SLC35F2: variants seen among roughly 807,000 people sequenced by gnomAD.
The protein encoded by SLC35F2 is solute carrier family 35 member F2, also known as queuine/queuosine transporter SLC35F2.
Under a neutral mutation model 38.1 loss-of-function variants are expected in SLC35F2, and 25 were observed. The observed-to-expected ratio is 0.66, with a 90% confidence interval of 0.48 to 0.92. SLC35F2 has a LOEUF of 0.92. Ranked by LOEUF, SLC35F2 falls within the 40% of genes least tolerant of loss-of-function variation. SLC35F2 has a pLI of 0.00. For missense variants in SLC35F2, 409 were observed against 452.9 expected (o/e 0.90, Z 0.88); for synonymous variants, 173 against 181.7 (o/e 0.95, Z 0.38).
chr11:107,842,563 A>G (rs184138140), intron 1 of SLC35F2, among the ~76,000 whole-genome samples: 122 of 152,206 alleles, frequency 8.0e-4, no homozygotes, highest in Non-Finnish European at 1.6e-3. Context: ...TCTGTCACCC[A>G]GGCTGGAATG....
At chr11:107,811,833 A>C (rs781195542) in intron 2 of SLC35F2, 39 bp from the exon 3 acceptor site, 1 of 1,575,338 alleles carries the variant, frequency 6.3e-7, no homozygotes, top group Non-Finnish European at 8.7e-7. Context: ...TGTTACTTGC[A>C]AATGATACCA....
chr11:107,817,937 G>A (rs897332598), intron 1 of SLC35F2, among the ~76,000 whole-genome samples: 2 of 150,798 alleles, frequency 1.3e-5, no homozygotes, highest in African/African-American at 4.9e-5. Flanking sequence ...TGCACCTGTA[G>A]TCCCAGCTAC....
intron 3 of SLC35F2, chr11:107,810,898 G>C: frequency 1.0e-6 from 1 of 980,186 alleles, no homozygotes; most frequent in Non-Finnish European, 1.2e-6. Context: ...GTGAGAAAGG[G>C]ACATATCAAA....
At chr11:107,816,267 CGTGT>C (rs72313181) in intron 1 of SLC35F2, 22 of 950,208 alleles carry the variant, frequency 2.3e-5, no homozygotes, top group East Asian at 1.2e-4. Flanking sequence ...AAAGTGCGCA[CGTGT>C]GTGTGTGTGT....
chr11:107,805,271 T>G lies in SLC35F2; in HGVS notation c.731+88A>C, dbSNP rs956524632. On this transcript the variant is annotated intron_variant, in intron 5 of 7. Transcript: ENST00000525815. ...CCTAATACTAATTCCAAATGTGAAT[T>G]TGGGCCAAATAAACAATGAATATTA... The G allele has an allele frequency of 1.0e-5, 15 of 1,446,116 alleles. No individual in the cohort carries two copies. In the African/African-American group the frequency reaches 2.0e-4, roughly 19 times the overall value. 89.6% of individuals were successfully genotyped at this position (1,446,116 alleles called of 1,614,324 possible).
chr11:107,858,736 G>C lies in SLC35F2; in HGVS notation c.32C>G (p.Ala11Gly). The C allele has an allele frequency of 7.8e-7, 1 of 1,285,626 alleles. No homozygotes were observed. The allele number at this position is 1,285,626 out of a possible 1,614,324, so 79.6% of individuals were successfully genotyped here. A position where few individuals can be genotyped will look rare whatever the true frequency, so the allele number is the denominator to read the frequency against. MEADSPAGPGAPEPLAEGAAA... is the reference protein window; with the variant it reads MEADSPAGPGGPEPLAEGAAA... ...CGCTCCCTCCGCGAGGGGCTCTGGG[G>C]CGCCGGGGCCCGCTGGCGAGTCTGC... is the stretch of plus-strand genomic sequence containing the variant. The change falls in exon 1 of 8, where the codon GCC (alanine) becomes GGC (glycine). Residue 11 changes from alanine to glycine, a missense_variant. By Grantham distance (60) the Ala-to-Gly change is moderately conservative (BLOSUM62 0). Transcript: ENST00000525815.
chr11:107,815,607 CTT>C (rs1027788011), intron 2 of SLC35F2, among the ~76,000 whole-genome samples, 181 bp downstream of exon 2: 2 of 150,006 alleles, frequency 1.3e-5, no homozygotes, highest in Admixed American at 1.3e-4. Flanking sequence ...AAAAAAAACA[CTT>C]TTTTTTTGGA....
At chr11:107,825,660 G>A (rs74722038) in intron 1 of SLC35F2, among the ~76,000 whole-genome samples, 5,774 of 152,092 alleles carry the variant, frequency 0.038, 159 homozygotes, top group Non-Finnish European at 0.054. Context: ...GTGAGCCACC[G>A]CGCCCGACCT....
intron 3 of SLC35F2, chr11:107,809,633 G>GAAA: frequency 1.3e-6 from 1 of 769,286 alleles, no homozygotes; most frequent in Non-Finnish European, 1.6e-6. Flanking sequence ...CTCCTTCTCA[G>GAAA]AAAAAAAAAA....
chr11:107,829,059 G>C (rs1190180913), intron 1 of SLC35F2, among the ~76,000 whole-genome samples: 3 of 149,714 alleles, frequency 2.0e-5, no homozygotes, highest in Non-Finnish European at 2.9e-5. Context: ...AGTGAGCCAA[G>C]ATCACGCCAC....
intron 1 of SLC35F2, among the ~76,000 whole-genome samples, chr11:107,843,858 AAAAAAAAAAAATATATATAT>A (rs1860053319): frequency 2.5e-5 from 1 of 39,322 alleles, no homozygotes; most frequent in Non-Finnish European, 5.2e-5. Context: ...AAAAAAAAAA[AAAAAAAAAAAATATATATAT>A]ATATATATAT....
At chr11:107,854,567 A>T (rs2134868211) in intron 1 of SLC35F2, among the ~76,000 whole-genome samples, 1 of 152,166 alleles carries the variant, frequency 6.6e-6, no homozygotes, top group South Asian at 2.1e-4. Context: ...AAAATTACAC[A>T]CTCCACTAAG....
intron 1 of SLC35F2, among the ~76,000 whole-genome samples, chr11:107,841,427 G>A (rs190273678): frequency 1.6e-3 from 245 of 152,010 alleles, no homozygotes; most frequent in African/African-American, 5.7e-3. Context: ...GCCAAGTGTG[G>A]TGGTGCAGAC....
intron 1 of SLC35F2, among the ~76,000 whole-genome samples, chr11:107,839,916 G>T (rs572083055): frequency 2.9e-4 from 44 of 152,192 alleles, no homozygotes; most frequent in Admixed American, 9.8e-4. Context: ...GCCTCCTAAA[G>T]TGCTGGGATT....
intron 1 of SLC35F2, among the ~76,000 whole-genome samples, chr11:107,843,868 A>AATATATATATATAT (rs1178673709): frequency 2.1e-5 from 1 of 46,878 alleles, no homozygotes; most frequent in South Asian, 8.0e-4. Flanking sequence ...AAAAAAAAAA[A>AATATATATATATAT]ATATATATAT....
intron 7 of SLC35F2, among the ~76,000 whole-genome samples, chr11:107,801,631 GAA>G (rs34097885): frequency 0.51 from 73,336 of 144,452 alleles, 18,278 homozygotes; most frequent in Non-Finnish European, 0.55. Context: ...CTGGATCTAA[GAA>G]AAAAAAAAAA....
intron 3 of SLC35F2, among the ~76,000 whole-genome samples, chr11:107,809,027 G>A (rs921975019): frequency 2.0e-5 from 3 of 152,142 alleles, no homozygotes; most frequent in Admixed American, 1.3e-4. Context: ...CCGGCCCCAC[G>A]CTGACCAGCT....
chr11:107,830,583 CAAAA>C (rs66495434), intron 1 of SLC35F2, among the ~76,000 whole-genome samples: 1 of 95,732 alleles, frequency 1.0e-5, no homozygotes, highest in Non-Finnish European at 2.1e-5. Flanking sequence ...GACTCAGTCT[CAAAA>C]AAAAAAAAAA....
chr11:107,826,816 C>T (rs990369169), intron 1 of SLC35F2, among the ~76,000 whole-genome samples: 4 of 152,174 alleles, frequency 2.6e-5, no homozygotes, highest in Admixed American at 2.6e-4. Flanking sequence ...ATAGTACACT[C>T]CTAATAAAAT....
Sources: allele counts gnomAD v4.1 joint callset (sites outside exome capture counted in the v4.1 genomes callset), GRCh38; gene constraint gnomAD v4.1.1; transcripts MANE v1.5; gene names NCBI Gene and HGNC (gene_info 2026-07-23, HGNC 2026-07-21).